LRMDA: variants seen among roughly 807,000 people sequenced by gnomAD.
LRMDA encodes leucine-rich melanocyte differentiation-associated protein.
Under a neutral mutation model 29.8 loss-of-function variants are expected in LRMDA, and 18 were observed. The ratio of observed to expected loss-of-function variants is 0.60; its 90% CI spans 0.42 to 0.90. The LOEUF is 0.90. LRMDA is among the 40% of genes least tolerant of loss of function. The pLI, the probability that LRMDA is intolerant of heterozygous loss-of-function variation, is 0.00. For synonymous variants in LRMDA, 125 were observed against 109.4 expected (o/e 1.14, Z -0.89); for missense variants, 273 against 273.9 (o/e 1.00, Z 0.02).
At chr10:76,146,764 C>T in intron 5 of LRMDA, among the ~76,000 whole-genome samples, 1 of 152,138 alleles carries the variant, frequency 6.6e-6, no homozygotes, top group Non-Finnish European at 1.5e-5. Flanking sequence ...TTAGTTGATG[C>T]AGTTTCTTCC....
At chr10:76,489,416 AT>A (rs1842811892) in intron 6 of LRMDA, among the ~76,000 whole-genome samples, 1 of 151,272 alleles carries the variant, frequency 6.6e-6, no homozygotes, top group African/African-American at 2.4e-5. Flanking sequence ...TTTTTTCTTA[AT>A]CTAGCTAAAG....
At chr10:76,459,206 T>C (rs1339140390) in intron 6 of LRMDA, among the ~76,000 whole-genome samples, 2 of 152,132 alleles carry the variant, frequency 1.3e-5, no homozygotes, top group African/African-American at 4.8e-5. Flanking sequence ...GCCAAGCACT[T>C]TGGATTTTCC....
chr10:76,422,110 A>T (rs1229678423), intron 6 of LRMDA, among the ~76,000 whole-genome samples: 1 of 151,742 alleles, frequency 6.6e-6, no homozygotes, highest in Non-Finnish European at 1.5e-5. Context: ...GTCTACCTGG[A>T]CCCCTTCTCC....
In LRMDA at chr10:75,620,255, G is replaced by A. The variant is rs146874798; in HGVS notation, c.131+181761G>A. 1.8e-4 allele frequency among the ~76,000 whole-genome samples: 28 copies of A among 152,272 alleles called. 1 individual carries two copies. In the East Asian group the frequency reaches 1.9e-3, roughly 10 times the overall value. ...AGAAAAGCAAAATATTGAAAGAGAT[G>A]TACCTGTTATGGAATAAAAGTTGTA... On this transcript the variant is annotated intron_variant, in intron 2 of 6. Coordinates refer to ENST00000611255, the MANE Select transcript of LRMDA (RefSeq NM_001305581.2).
intron 6 of LRMDA, among the ~76,000 whole-genome samples, chr10:76,515,559 A>G (rs918678118): frequency 2.6e-4 from 39 of 152,052 alleles, no homozygotes; most frequent in African/African-American, 9.2e-4. Flanking sequence ...GGGCTGGAGT[A>G]CAGTGGCATG....
chr10:76,355,472 G>A (rs907652325), intron 6 of LRMDA, among the ~76,000 whole-genome samples: 3 of 152,190 alleles, frequency 2.0e-5, no homozygotes, highest in Admixed American at 6.5e-5. Context: ...TTGAGTACAT[G>A]CAATGTGCCA....
intron 2 of LRMDA, among the ~76,000 whole-genome samples, chr10:76,000,185 CG>C (rs1847537158): frequency 6.6e-6 from 1 of 151,902 alleles, no homozygotes; most frequent in Non-Finnish European, 1.5e-5. Context: ...AGGTGGAGGA[CG>C]GGGGCTGGGA....
chr10:75,648,381 C>G (rs1225346805), intron 2 of LRMDA, among the ~76,000 whole-genome samples: 2 of 152,192 alleles, frequency 1.3e-5, no homozygotes. Context: ...GCAGAATTAT[C>G]TGCTTGAGAA....
intron 2 of LRMDA, among the ~76,000 whole-genome samples, chr10:75,564,245 C>A (rs1025667429): frequency 5.3e-5 from 8 of 152,200 alleles, no homozygotes; most frequent in Admixed American, 5.2e-4. Flanking sequence ...TGGTGGGCGC[C>A]CCTCCCCCAG....
rs976006677 is a variant in LRMDA, at chr10:76,043,440, C to T, written c.259-3724C>T. Among the ~76,000 whole-genome samples the T allele has an allele frequency of 7.2e-5, 11 of 152,206 alleles. No individual in the cohort carries two copies. The East Asian group carries it at 1.4e-3, about 19-fold the overall frequency. Reference sequence around the variant, plus strand: ...CACAATGTACCCTTAGGTGGGGATTCCCATAGACATTCCCATTGTTACTCA... The same window carrying T: ...CACAATGTACCCTTAGGTGGGGATTTCCATAGACATTCCCATTGTTACTCA... On this transcript the variant is annotated intron_variant, in intron 3 of 6. Coordinates refer to ENST00000611255, the MANE Select transcript of LRMDA (RefSeq NM_001305581.2).
chr10:75,568,708 A>G lies in LRMDA; in HGVS notation c.131+130214A>G, dbSNP rs143428395. 5.1e-4 allele frequency among the ~76,000 whole-genome samples: 78 copies of G among 152,338 alleles called. 1 individual carries two copies. Among genetic ancestry groups the G allele is most frequent in the African/African-American group, 1.8e-3 (74 of 41,584 alleles). On this transcript the variant is annotated intron_variant, in intron 2 of 6. Coordinates refer to ENST00000611255, the MANE Select transcript of LRMDA (RefSeq NM_001305581.2). ...TTAGGGTCAGGCATCTGAATGCCCC[A>G]GCTGGGTTTCTCCCAGCCTTTTGGT...
intron 2 of LRMDA, among the ~76,000 whole-genome samples, chr10:75,659,556 G>A (rs1201495083): frequency 6.6e-6 from 1 of 152,186 alleles, no homozygotes; most frequent in Non-Finnish European, 1.5e-5. Flanking sequence ...CTGAAAGACT[G>A]TATTATCTCA....
intron 5 of LRMDA, among the ~76,000 whole-genome samples, chr10:76,291,117 A>G (rs1034275114): frequency 1.3e-5 from 2 of 152,198 alleles, no homozygotes; most frequent in Non-Finnish European, 2.9e-5. Flanking sequence ...AGGAGCGGTC[A>G]ATGAGTGTTA....
chr10:76,036,427 G>T (rs1027600651), intron 3 of LRMDA, among the ~76,000 whole-genome samples: 2 of 152,164 alleles, frequency 1.3e-5, no homozygotes, highest in Non-Finnish European at 2.9e-5. Context: ...CTTTTTAATA[G>T]ATAAAAATAG....
At chr10:75,985,911 G>A (rs1847254766) in intron 2 of LRMDA, among the ~76,000 whole-genome samples, 1 of 152,252 alleles carries the variant, frequency 6.6e-6, no homozygotes. Context: ...AATCAAACCT[G>A]TGCATTGCTT....
At chr10:75,704,220 G>A (rs1457071730) in intron 2 of LRMDA, among the ~76,000 whole-genome samples, 1 of 152,136 alleles carries the variant, frequency 6.6e-6, no homozygotes, top group Non-Finnish European at 1.5e-5. Flanking sequence ...CATTTTCTTA[G>A]TGGGATTCTG....
chr10:76,062,654 C>G (rs1021980315), intron 5 of LRMDA, among the ~76,000 whole-genome samples: 10 of 136,344 alleles, frequency 7.3e-5, no homozygotes, highest in African/African-American at 1.6e-4. Flanking sequence ...GACTTTATCT[C>G]TCTGTGTGTG....
At chr10:75,782,657 C>G in intron 2 of LRMDA, 1 of 1,004,730 alleles carries the variant, frequency 1.0e-6, no homozygotes, top group Non-Finnish European at 1.2e-6. Flanking sequence ...CTTTTGACTT[C>G]TAGTCCTCGC....
chr10:76,263,726 A>G (rs1045347556), intron 5 of LRMDA, among the ~76,000 whole-genome samples: 6 of 152,168 alleles, frequency 3.9e-5, no homozygotes, highest in African/African-American at 1.4e-4. Context: ...GTAGGGGTAA[A>G]ATGTTGAACA....
Sources: allele counts gnomAD v4.1 joint callset (sites outside exome capture counted in the v4.1 genomes callset), GRCh38; gene constraint gnomAD v4.1.1; transcripts MANE v1.5; gene names NCBI Gene and HGNC (gene_info 2026-07-23, HGNC 2026-07-21).